ABT1: variants seen among roughly 807,000 people sequenced by gnomAD.
ABT1 encodes activator of basal transcription 1, also known as TATA-binding protein-binding protein.
A neutral mutation model predicts 14.0 loss-of-function variants in ABT1; 13 were observed. The observed-to-expected ratio is 0.93, with a 90% CI of 0.61 to 1.48. The LOEUF (loss-of-function observed/expected upper bound fraction) is 1.48. Among genes scored for constraint, ABT1 ranks in the 40% most tolerant of loss-of-function variants. The probability of loss-of-function intolerance (pLI) is 0.00; values close to 1 mark genes in which losing one functional copy is unlikely to be tolerated. For missense variants in ABT1, 430 were observed against 380.0 expected, an observed-to-expected ratio of 1.13 and a Z score of -1.09; for synonymous variants, 165 against 144.6, an observed-to-expected ratio of 1.14 and a Z score of -1.01.
rs1764911462 is a variant in ABT1 at position 26,597,119 on chromosome 6, G to A, written c.137G>A (p.Gly46Asp). 8 of 1,614,138 alleles carry A rather than the reference G, an allele frequency of 5.0e-6. No individual in the cohort carries two copies. Among genetic ancestry groups the A allele is most frequent in the Non-Finnish European group, 6.8e-6 (8 of 1,179,996 alleles). ...ACGSKKRVVP[G>D]IVYLGHIPPR... Reference sequence around the variant, plus strand: ...GGCAGCAAGAAACGGGTAGTGCCAGGTATTGTGTACCTGGGCCATATCCCG... The same window carrying A: ...GGCAGCAAGAAACGGGTAGTGCCAGATATTGTGTACCTGGGCCATATCCCG... Residue 46 changes from glycine to aspartate, a missense_variant, in exon 1 of 3, where the codon GGT becomes GAT. Transcript: ENST00000274849.
chr6:26,598,114 A>G lies in ABT1; in HGVS notation c.438+4A>G. 6.2e-7 allele frequency: 1 copy of G among 1,604,138 alleles called. No individual in the cohort carries two copies. Among genetic ancestry groups the G allele is most frequent in the Non-Finnish European group, 8.5e-7 (1 of 1,172,378 alleles). ...TTATGATCTTTGGAACCTCAAGGTGAGAAGATAGATCTTTCTGCCACACCT... is the reference window on the plus strand; with the variant it reads ...TTATGATCTTTGGAACCTCAAGGTGGGAAGATAGATCTTTCTGCCACACCT... On this transcript the variant is annotated splice_donor_region_variant and intron_variant, in intron 2 of 2. Transcript: ENST00000274849.
intron 2 of ABT1, 25 bp from the exon 3 acceptor site, chr6:26,598,240 A>T (rs781951000): frequency 1.4e-5 from 22 of 1,601,716 alleles, no homozygotes; most frequent in Non-Finnish European, 1.7e-5. Flanking sequence ...CACTATCCTG[A>T]TCTTTTCTTC....
At chr6:26,597,407 G>A (rs530456328) in intron 1 of ABT1, among the ~76,000 whole-genome samples, 184 bp downstream of exon 1, 2 of 152,194 alleles carry the variant, frequency 1.3e-5, no homozygotes, top group African/African-American at 4.8e-5. Flanking sequence ...GGGTGGGCGG[G>A]CGGAGGGGAT....
In ABT1 at chr6:26,600,454, T is replaced by G. The variant is rs1175472072; in HGVS notation, c.*1809T>G. ...AACAGTATGTTCAAGGGCTGGTATT[T>G]CAGGGTCCATCTCCAAAACAGTTCT... On this transcript the variant is annotated 3_prime_UTR_variant, in exon 3 of 3. Coordinates refer to ENST00000274849, the MANE Select transcript of ABT1 (RefSeq NM_013375.4). 6.6e-6 allele frequency: 1 copy of G among 152,350 alleles called. No individual in the cohort carries two copies. The highest frequency in any genetic ancestry group is 1.9e-4 in the East Asian group (1 of 5,192). 9.4% of individuals were successfully genotyped at this position (152,350 alleles called of 1,614,324 possible). A position where few individuals can be genotyped will look rare whatever the true frequency, so the allele number is the denominator to read the frequency against.
chr6:26,596,954 C>T lies in ABT1; in HGVS notation c.-29C>T, dbSNP rs1312379115. On this transcript the variant is annotated 5_prime_UTR_variant, in exon 1 of 3. It adds an upstream start codon to the 5' untranslated region. Coordinates refer to ENST00000274849, the MANE Select transcript of ABT1 (RefSeq NM_013375.4). ...TTGCGTCAGTTGGCAAGGCACTTTACGGCCGTCGTGCCGCTCGTGTCAGTC... is the reference window on the plus strand; with the variant it reads ...TTGCGTCAGTTGGCAAGGCACTTTATGGCCGTCGTGCCGCTCGTGTCAGTC... 1 of 1,597,612 alleles carries T rather than the reference C, an allele frequency of 6.3e-7. No homozygotes were observed. The highest frequency in any genetic ancestry group is 8.5e-7 in the Non-Finnish European group (1 of 1,172,656).
Position 26,598,506 on chromosome 6 carries a change from GGCCAGGGGGACGTGAACGGGCTC to G in ABT1, c.684_706del (p.Gly230AsnfsTer110). On this transcript the variant is annotated frameshift_variant, in exon 3 of 3. Coordinates refer to ENST00000274849, the MANE Select transcript of ABT1 (RefSeq NM_013375.4). LOFTEE classifies it low-confidence loss of function (END_TRUNC). ...GAACTGAGGGCCCGTAAAGCAGCAC[GGCCAGGGGGACGTGAACGGGCTC>G]GCCTGGCAACTGCCCAGGACAAGGC... is the stretch of plus-strand genomic sequence containing the variant. 6.2e-7 allele frequency: 1 copy of G among 1,613,970 alleles called. No individual in the cohort carries two copies. Among genetic ancestry groups the G allele is most frequent in the Non-Finnish European group, 8.5e-7 (1 of 1,179,888 alleles).
Position 26,598,787 on chromosome 6 carries a change from G to C in ABT1, c.*142G>C. On this transcript the variant is annotated 3_prime_UTR_variant, in exon 3 of 3. Transcript: ENST00000274849. ...ACTGATGGCCCAAACATGGAGTTTT[G>C]TGGGCTTCCACTGTCCCCACTCCGA... 8.5e-7 allele frequency: 1 copy of C among 1,170,702 alleles called. No individual in the cohort carries two copies. Among genetic ancestry groups the C allele is most frequent in the Non-Finnish European group, 1.2e-6 (1 of 866,786 alleles). The allele number at this position is 1,170,702 out of a possible 1,614,324, so 72.5% of individuals were successfully genotyped here. A position where few individuals can be genotyped will look rare whatever the true frequency, so the allele number is the denominator to read the frequency against.
At chr6:26,597,408 C>T (rs1227076712) in intron 1 of ABT1, among the ~76,000 whole-genome samples, 185 bp downstream of exon 1, 1 of 135,406 alleles carries the variant, frequency 7.4e-6, no homozygotes, top group African/African-American at 2.7e-5. Context: ...GGTGGGCGGG[C>T]GGAGGGGATA....
rs1554144779 is a variant in ABT1, at chr6:26,598,315, G to A, written c.489G>A (p.Glu163=). Residue 163 remains glutamate (E), a synonymous_variant, in exon 3 of 3, where the codon GAG becomes GAA. Transcript: ENST00000274849. ...WSHLSEHLAF[E]RQVRRQRLRA... is the part of the protein sequence containing the mutation. ...ACCTCAGCGAGCACCTCGCCTTTGA[G>A]CGCCAGGTGCGCAGGCAGCGCTTGA... 9 of 1,614,242 alleles carry A rather than the reference G, an allele frequency of 5.6e-6. No homozygotes were observed. The highest frequency in any genetic ancestry group is 1.1e-5 in the South Asian group (1 of 91,088).
Position 26,600,187 on chromosome 6 carries a change from T to C in ABT1, c.*1542T>C, listed in dbSNP as rs1764957898. ...TCATGTGAATTGTTTCCTCAGATCA[T>C]TGATGTCTTAAAGTGAAACAGAAAA... On this transcript the variant is annotated 3_prime_UTR_variant, in exon 3 of 3. Transcript: ENST00000274849. 1 of 152,352 alleles carries C rather than the reference T, an allele frequency of 6.6e-6. No individual in the cohort carries two copies. Among genetic ancestry groups the C allele is most frequent in the Non-Finnish European group, 1.5e-5 (1 of 68,036 alleles). 9.4% of individuals were successfully genotyped at this position (152,352 alleles called of 1,614,324 possible).
In ABT1 at chr6:26,597,764, G is replaced by T; in HGVS notation, c.242-150G>T. On this transcript the variant is annotated intron_variant, in intron 1 of 2. Coordinates refer to ENST00000274849, the MANE Select transcript of ABT1 (RefSeq NM_013375.4). ...AAGAATTGAGTTAGCTAGAGGAAAG[G>T]GTGCGATTTACAGTTCCCTTCCTCC... 8.7e-6 allele frequency: 6 copies of T among 689,106 alleles called. No individual in the cohort carries two copies. The South Asian group carries it at 1.1e-4, about 12-fold the overall frequency. 42.7% of individuals were successfully genotyped at this position (689,106 alleles called of 1,614,324 possible). A position where few individuals can be genotyped will look rare whatever the true frequency, so the allele number is the denominator to read the frequency against.
At position 26,600,348 on chromosome 6, in the gene ABT1, A is replaced by G. The variant is rs1314089200; in HGVS notation, c.*1703A>G. ...TCTAGTTGCTAACAGCTTAGAAAGT[A>G]CAGTAGACATACTGGGGTTTTATTT... On this transcript the variant is annotated 3_prime_UTR_variant, in exon 3 of 3. Coordinates refer to ENST00000274849, the MANE Select transcript of ABT1 (RefSeq NM_013375.4). The G allele has an allele frequency of 6.6e-6, 1 of 152,256 alleles. No homozygotes were observed. The highest frequency in any genetic ancestry group is 1.5e-5 in the Non-Finnish European group (1 of 68,040). The allele number at this position is 152,256 out of a possible 1,614,324, so 9.4% of individuals were successfully genotyped here.
At position 26,598,940 on chromosome 6, in the gene ABT1, C is replaced by T. The variant is rs1367623539; in HGVS notation, c.*295C>T. On this transcript the variant is annotated 3_prime_UTR_variant, in exon 3 of 3. Coordinates refer to ENST00000274849, the MANE Select transcript of ABT1 (RefSeq NM_013375.4). ...TCTGTAGGGTCCCCTGAAAATCCCA[C>T]TTCCTGCCCCCAGAAAGGGCCTTTA... 7.1e-6 allele frequency: 2 copies of T among 282,866 alleles called. No individual in the cohort carries two copies. Among genetic ancestry groups the T allele is most frequent in the African/African-American group, 2.2e-5 (1 of 45,922 alleles). 17.5% of individuals were successfully genotyped at this position (282,866 alleles called of 1,614,324 possible). A position where few individuals can be genotyped will look rare whatever the true frequency, so the allele number is the denominator to read the frequency against.
rs143081387 is a variant in ABT1, at chr6:26,597,019, C to A, written c.37C>A (p.Gln13Lys). Reference sequence around the variant, plus strand: ...GGAATCGGAGAAGGCCGCAACGGAGCAAGAGCCGCTGGAAGGGACAGAACA... The same window carrying A: ...GGAATCGGAGAAGGCCGCAACGGAGAAAGAGCCGCTGGAAGGGACAGAACA... ...AEESEKAATE[Q>K]EPLEGTEQTL... is the part of the protein sequence containing the mutation. The change falls in exon 1 of 3, where the codon CAA (glutamine) becomes AAA (lysine). Residue 13 changes from glutamine (Q) to lysine (K), a missense_variant. Coordinates refer to ENST00000274849, the MANE Select transcript of ABT1 (RefSeq NM_013375.4). The A allele has an allele frequency of 3.1e-6, 5 of 1,613,256 alleles. No homozygotes were observed. The highest frequency in any genetic ancestry group is 3.3e-5 in the Admixed American group (2 of 59,910).
In ABT1 at chr6:26,598,700, A is replaced by C; in HGVS notation, c.*55A>C. 2.7e-6 allele frequency: 4 copies of C among 1,496,788 alleles called. No individual in the cohort carries two copies. The highest frequency in any genetic ancestry group is 3.6e-6 in the Non-Finnish European group (4 of 1,126,320). The allele number at this position is 1,496,788 out of a possible 1,614,324, so 92.7% of individuals were successfully genotyped here. A position where few individuals can be genotyped will look rare whatever the true frequency, so the allele number is the denominator to read the frequency against. On this transcript the variant is annotated 3_prime_UTR_variant, in exon 3 of 3. Coordinates refer to ENST00000274849, the MANE Select transcript of ABT1 (RefSeq NM_013375.4). The stretch of plus-strand genomic sequence containing the variant: ...CCCTGCTCTGCTTCCTGTCTACCTC[A>C]TACTAGAATGATCGTGACTACCCGG...
chr6:26,598,265 T>C lies in ABT1; in HGVS notation c.439T>C (p.Tyr147His), dbSNP rs1554144768. Residue 147 changes from tyrosine to histidine, a missense_variant and splice_region_variant, in exon 3 of 3, where the codon TAC becomes CAC. Tyr to His is a moderately conservative substitution (Grantham distance 83). Coordinates refer to ENST00000274849, the MANE Select transcript of ABT1 (RefSeq NM_013375.4). Reference protein sequence around the residue: ...PFRYDLWNLKYLHRFTWSHLS... With the variant: ...PFRYDLWNLKHLHRFTWSHLS... ...ATCTTTTCTTCTTTTCTGCCCACAG[T>C]ACTTGCACCGTTTCACCTGGTCCCA... The C allele has an allele frequency of 6.2e-7, 1 of 1,611,854 alleles. No individual in the cohort carries two copies. Among genetic ancestry groups the C allele is most frequent in the Non-Finnish European group, 8.5e-7 (1 of 1,178,234 alleles).
In ABT1 at chr6:26,598,996, G is replaced by A. The variant is rs1764942852; in HGVS notation, c.*351G>A. 5.0e-6 allele frequency: 1 copy of A among 201,396 alleles called. No individual in the cohort carries two copies. The highest frequency in any genetic ancestry group is 5.6e-5 in the Admixed American group (1 of 18,006). 12.5% of individuals were successfully genotyped at this position (201,396 alleles called of 1,614,324 possible). On this transcript the variant is annotated 3_prime_UTR_variant, in exon 3 of 3. Transcript: ENST00000274849. Reference sequence around the variant, plus strand: ...AACTAGGAGGATAATGCCTAGTCCAGGCAATCTTTCTCTGTTTAGCAGTCA... The same window carrying A: ...AACTAGGAGGATAATGCCTAGTCCAAGCAATCTTTCTCTGTTTAGCAGTCA...
chr6:26,597,086 C>G lies in ABT1; in HGVS notation c.104C>G (p.Ala35Gly). 11 of 1,614,048 alleles carry G rather than the reference C, an allele frequency of 6.8e-6. No individual in the cohort carries two copies. The highest frequency in any genetic ancestry group is 9.3e-6 in the Non-Finnish European group (11 of 1,180,002). ...GAGGAGCAGGAGGAATCCGAAGAAG[C>G]GGCCTGTGGCAGCAAGAAACGGGTA... Reference protein sequence around the residue: ...AEEEQEESEEAACGSKKRVVP... With the variant: ...AEEEQEESEEGACGSKKRVVP... The change falls in exon 1 of 3, where the codon GCG (alanine) becomes GGG (glycine). Residue 35 changes from alanine to glycine, a missense_variant. Transcript: ENST00000274849.
Position 26,598,911 on chromosome 6 carries a change from T to G in ABT1, c.*266T>G. 2.8e-6 allele frequency: 1 copy of G among 352,644 alleles called. No individual in the cohort carries two copies. The highest frequency in any genetic ancestry group is 5.1e-6 in the Non-Finnish European group (1 of 197,084). 21.8% of individuals were successfully genotyped at this position (352,644 alleles called of 1,614,324 possible). On this transcript the variant is annotated 3_prime_UTR_variant, in exon 3 of 3. Coordinates refer to ENST00000274849, the MANE Select transcript of ABT1 (RefSeq NM_013375.4). ...TTGTTTTGTTTGACTCTTGGCTGCC[T>G]ACGTCTGTAGGGTCCCCTGAAAATC...
Sources: gnomAD v4.1 joint callset for allele counts (sites outside exome capture counted in the v4.1 genomes callset) on GRCh38, gnomAD v4.1.1 for gene constraint, MANE v1.5 for transcripts, NCBI Gene and HGNC (gene_info 2026-07-23, HGNC 2026-07-21) for gene names.